The following RICTOR variants were observed in gnomAD, a reference collection of about 807,000 sequenced individuals.
The protein encoded by RICTOR is rapamycin-insensitive companion of mTOR.
RICTOR carries 49 observed loss-of-function variants against 214.9 expected under a neutral mutation model. That is an observed-to-expected ratio of 0.23 (90% CI 0.18 to 0.29). The LOEUF is 0.29. Ranked by LOEUF, RICTOR falls within the 10% of genes least tolerant of loss-of-function variation. The pLI is 1.00. For missense variants in RICTOR, 1,625 were observed against 2,047.0 expected (o/e 0.79, Z 3.98); for synonymous variants, 717 against 711.3 (o/e 1.01, Z -0.13).
rs148105084 is a variant in RICTOR, at chr5:39,070,217, G to A, written c.97+3894C>T. ...GCGGTGGCTCACGCCTGTAATCCCA[G>A]CACTTTGGGAGGCCGAGGCGGGTGG... On this transcript the variant is annotated intron_variant, in intron 2 of 37. Coordinates refer to ENST00000357387, the MANE Select transcript of RICTOR (RefSeq NM_152756.5). 6.9e-3 allele frequency among the ~76,000 whole-genome samples: 1,050 copies of A among 152,282 alleles called. 53 individuals carry two copies. In the East Asian group the frequency reaches 0.12, roughly 18 times the overall value.
At chr5:38,946,997 T>A (rs72635270) in intron 32 of RICTOR, among the ~76,000 whole-genome samples, 2 of 628 alleles carry the variant, frequency 3.2e-3, no homozygotes, top group Admixed American at 0.062. Flanking sequence ...CTACAGAGAA[T>A]ATATGGATAA....
At chr5:39,021,245 T>A in intron 2 of RICTOR, 109 bp from the exon 3 acceptor site, 2 of 712,564 alleles carry the variant, frequency 2.8e-6, no homozygotes, top group Non-Finnish European at 5.2e-6. Context: ...TGGTTTAAAG[T>A]CTTACCCTCC....
chr5:39,066,899 C>T (rs1018450187), intron 2 of RICTOR, among the ~76,000 whole-genome samples: 1 of 152,184 alleles, frequency 6.6e-6, no homozygotes, highest in Non-Finnish European at 1.5e-5. Flanking sequence ...CTTCATTGTC[C>T]GTATCACTAC....
intron 8 of RICTOR, among the ~76,000 whole-genome samples, chr5:38,980,337 A>C (rs925728879): frequency 2.0e-5 from 3 of 152,146 alleles, no homozygotes; most frequent in Admixed American, 6.5e-5. Context: ...AAAGACTCCA[A>C]GTGATGTTAT....
intron 8 of RICTOR, chr5:38,981,625 T>C (rs1463568974): frequency 2.8e-6 from 1 of 356,428 alleles, no homozygotes; most frequent in African/African-American, 2.1e-5. Context: ...ATTTGGTTCA[T>C]AAACTTTTCA....
chr5:38,955,079 G>T (rs1189676070), intron 26 of RICTOR, among the ~76,000 whole-genome samples: 4 of 151,780 alleles, frequency 2.6e-5, no homozygotes, highest in Admixed American at 1.3e-4. Flanking sequence ...TTTGAGCACT[G>T]ACATGACACT....
chr5:38,990,565 C>CATGATATAT (rs1752545866), intron 7 of RICTOR, among the ~76,000 whole-genome samples: 1 of 141,910 alleles, frequency 7.0e-6, no homozygotes, highest in Non-Finnish European at 1.5e-5. Flanking sequence ...ACGATATATA[C>CATGATATAT]ACGATATATA....
At chr5:38,981,030 T>G (rs910172224) in intron 8 of RICTOR, 1 of 152,202 alleles carries the variant, frequency 6.6e-6, no homozygotes, top group African/African-American at 2.4e-5. Context: ...AAATCACTTA[T>G]TAGGACTATT....
Position 39,044,234 on chromosome 5 carries a change from A to C in RICTOR, c.98-23098T>G, listed in dbSNP as rs192268715. On this transcript the variant is annotated intron_variant, in intron 2 of 37. Coordinates refer to ENST00000357387, the MANE Select transcript of RICTOR (RefSeq NM_152756.5). ...CTGTCAAAGATTCATTGAGCAAAAC[A>C]TGTATAATAAATTCATGTCTCTCTA... 2.0e-4 allele frequency among the ~76,000 whole-genome samples: 31 copies of C among 152,336 alleles called. No individual in the cohort carries two copies. In the Middle Eastern group the frequency reaches 0.01, roughly 50 times the overall value.
intron 26 of RICTOR, among the ~76,000 whole-genome samples, chr5:38,955,372 C>G (rs1361016831): frequency 1.3e-5 from 2 of 151,892 alleles, no homozygotes; most frequent in Non-Finnish European, 2.9e-5. Flanking sequence ...GTAAGAGAAT[C>G]TAGGCCTAGA....
intron 32 of RICTOR, 43 bp downstream of exon 32, chr5:38,947,221 A>G: frequency 6.9e-7 from 1 of 1,446,016 alleles, no homozygotes; most frequent in Non-Finnish European, 9.6e-7. Flanking sequence ...ATGAAAAAAT[A>G]GGAAACCAAC....
At chr5:39,027,236 C>G (rs1208024111) in intron 2 of RICTOR, among the ~76,000 whole-genome samples, 1 of 151,988 alleles carries the variant, frequency 6.6e-6, no homozygotes, top group Non-Finnish European at 1.5e-5. Flanking sequence ...CATGGCAATT[C>G]AAGGATTCTT....
At position 38,950,069 on chromosome 5, in the gene RICTOR, C is replaced by T. The variant is rs1225225912; in HGVS notation, c.3779G>A (p.Ser1260Asn). The T allele has an allele frequency of 6.2e-7, 1 of 1,613,020 alleles. No homozygotes were observed. Among genetic ancestry groups the T allele is most frequent in the Non-Finnish European group, 8.5e-7 (1 of 1,179,604 alleles). The stretch of plus-strand genomic sequence containing the variant: ...GTGGCTTGTCTTAATAGTTTTAGTA[C>T]TTACCACAGTACTCATGCTTCCACA... ...TDCGSMSTVV[S>N]TKTIKTSHYL... Residue 1260 changes from serine (S) to asparagine (N), a missense_variant, in exon 31 of 38, where the codon AGT becomes AAT. By Grantham distance (46) the Ser-to-Asn change is conservative. Coordinates refer to ENST00000357387, the MANE Select transcript of RICTOR (RefSeq NM_152756.5).
intron 2 of RICTOR, among the ~76,000 whole-genome samples, chr5:39,052,030 T>G (rs114289309): frequency 0.015 from 2,247 of 152,256 alleles, 45 homozygotes; most frequent in African/African-American, 0.051. Context: ...TACTCCTTCA[T>G]AATGCTGGGC....
At position 38,969,002 on chromosome 5, in the gene RICTOR, G is replaced by A. The variant is rs564421075; in HGVS notation, c.973-972C>T. Among the ~76,000 whole-genome samples, 83 of 122,428 alleles carry A rather than the reference G, an allele frequency of 6.8e-4. 1 individual carries two copies. The highest frequency in any genetic ancestry group is 2.5e-3 in the African/African-American group (78 of 31,482). 80.3% of individuals were successfully genotyped at this position (122,428 alleles called of 152,430 possible). A position where few individuals can be genotyped will look rare whatever the true frequency, so the allele number is the denominator to read the frequency against. On this transcript the variant is annotated intron_variant, in intron 11 of 37. Coordinates refer to ENST00000357387, the MANE Select transcript of RICTOR (RefSeq NM_152756.5). ...TTTTTTTTTTTTTTGAGGCAGTCTC[G>A]CTCATCTCCCAGGCTGGAGGGCAGT... is the stretch of plus-strand genomic sequence containing the variant.
At chr5:39,033,199 A>G (rs897952799) in intron 2 of RICTOR, among the ~76,000 whole-genome samples, 1 of 151,634 alleles carries the variant, frequency 6.6e-6, no homozygotes, top group African/African-American at 2.4e-5. Flanking sequence ...CATCTGCTCC[A>G]TTATCTCCTT....
At chr5:38,991,182 T>A in intron 6 of RICTOR, 107 bp from the exon 7 acceptor site, 2 of 567,892 alleles carry the variant, frequency 3.5e-6, no homozygotes, top group Admixed American at 3.7e-5. Flanking sequence ...CAGAATAAGA[T>A]CTAGGTATCA....
At chr5:38,990,550 TATAC>T (rs1561500924) in intron 7 of RICTOR, among the ~76,000 whole-genome samples, 1,542 of 147,970 alleles carry the variant, frequency 0.01, 110 homozygotes, top group African/African-American at 0.037. Context: ...ATATACACGA[TATAC>T]ACGATATATA....
In RICTOR at chr5:39,070,338, G is replaced by A. The variant is rs374649584; in HGVS notation, c.97+3773C>T. Among the ~76,000 whole-genome samples, 19 of 152,040 alleles carry A rather than the reference G, an allele frequency of 1.2e-4. No homozygotes were observed. In the South Asian group the frequency reaches 2.3e-3, roughly 18 times the overall value. On this transcript the variant is annotated intron_variant, in intron 2 of 37. Coordinates refer to ENST00000357387, the MANE Select transcript of RICTOR (RefSeq NM_152756.5). ...CAAAAAATTAGCCGGGCGCGGTGGC[G>A]GGCGCCTGTAGTCCCAGCTACTCGG...
Sources: gnomAD v4.1 joint callset for allele counts (sites outside exome capture counted in the v4.1 genomes callset) on GRCh38, gnomAD v4.1.1 for gene constraint, MANE v1.5 for transcripts, NCBI Gene and HGNC (gene_info 2026-07-23, HGNC 2026-07-21) for gene names.